ATG7: variants seen among roughly 807,000 people sequenced by gnomAD.
The protein encoded by ATG7 is autophagy related 7.
In ATG7, 70 loss-of-function variants were observed where a neutral mutation model predicts 82.4. The observed-to-expected ratio is 0.85, with a 90% CI of 0.70 to 1.04. ATG7 has a LOEUF of 1.04. ATG7 is among the 50% of genes least tolerant of loss of function. The pLI is 0.00. For synonymous variants in ATG7, 287 were observed against 313.0 expected (o/e 0.92, Z 0.88); for missense variants, 792 against 864.3 (o/e 0.92, Z 1.05).
intron 20 of ATG7, among the ~76,000 whole-genome samples, chr3:11,438,553 G>GT (rs1044804519): frequency 5.5e-4 from 83 of 151,050 alleles, no homozygotes; most frequent in African/African-American, 2.0e-3. Context: ...GAGACAGAGG[G>GT]AGACCTTGTC....
intron 20 of ATG7, among the ~76,000 whole-genome samples, chr3:11,545,177 T>C (rs1038082731): frequency 6.6e-6 from 1 of 151,912 alleles, no homozygotes; most frequent in African/African-American, 2.4e-5. Context: ...TGGAGGGGTG[T>C]GCAGGGCCAG....
chr3:11,348,624 C>A (rs1334519787), intron 14 of ATG7: 1 of 152,216 alleles, frequency 6.6e-6, no homozygotes, highest in Non-Finnish European at 1.5e-5. Context: ...AAAGAGTGAG[C>A]AGCAGCAAGA....
chr3:11,486,754 T>C (rs569021552), intron 20 of ATG7, among the ~76,000 whole-genome samples: 1 of 152,302 alleles, frequency 6.6e-6, no homozygotes, highest in Non-Finnish European at 1.5e-5. Flanking sequence ...TGAAGGGTTG[T>C]TGAATTTTGT....
At chr3:11,549,101 A>G (rs1575290583) in intron 20 of ATG7, among the ~76,000 whole-genome samples, 1 of 152,038 alleles carries the variant, frequency 6.6e-6, no homozygotes, top group East Asian at 1.9e-4. Context: ...TGTGATTTAC[A>G]TACAATGAAA....
intron 18 of ATG7, among the ~76,000 whole-genome samples, chr3:11,367,603 G>A (rs1306879923): frequency 1.3e-5 from 2 of 152,090 alleles, no homozygotes; most frequent in African/African-American, 4.8e-5. Context: ...CTGTCTCTGG[G>A]TCCACAGGCA....
At chr3:11,423,963 C>G (rs570638713) in intron 19 of ATG7, among the ~76,000 whole-genome samples, 1 of 152,336 alleles carries the variant, frequency 6.6e-6, no homozygotes, top group South Asian at 2.1e-4. Flanking sequence ...ATGTGCCAGT[C>G]AACCTCTCTT....
At chr3:11,480,314 C>G (rs777332478) in intron 20 of ATG7, among the ~76,000 whole-genome samples, 11 of 151,966 alleles carry the variant, frequency 7.2e-5, no homozygotes, top group African/African-American at 2.2e-4. Flanking sequence ...GTGGGAAGAT[C>G]GCTTGAGGCC....
chr3:11,388,999 G>A (rs1403826532), intron 19 of ATG7, among the ~76,000 whole-genome samples: 1 of 152,008 alleles, frequency 6.6e-6, no homozygotes, highest in Non-Finnish European at 1.5e-5. Context: ...TGTAATATCA[G>A]CACTGTGGGA....
At chr3:11,454,462 ATTG>A (rs1453022915) in intron 20 of ATG7, among the ~76,000 whole-genome samples, 3 of 152,154 alleles carry the variant, frequency 2.0e-5, no homozygotes, top group Non-Finnish European at 2.9e-5. Flanking sequence ...CCTTCTAGTG[ATTG>A]TGAGTGGAGA....
At chr3:11,344,184 GT>G (rs1453227109) in intron 13 of ATG7, among the ~76,000 whole-genome samples, 1 of 152,126 alleles carries the variant, frequency 6.6e-6, no homozygotes, top group Non-Finnish European at 1.5e-5. Flanking sequence ...AGTTCTAAGA[GT>G]TTTTTGATTC....
At chr3:11,449,896 T>C (rs2084940452) in intron 20 of ATG7, among the ~76,000 whole-genome samples, 1 of 152,058 alleles carries the variant, frequency 6.6e-6, no homozygotes. Flanking sequence ...TCTATAAGAG[T>C]TTAAGGGGCA....
rs140746761 is a variant in ATG7 at position 11,375,638 on chromosome 3, C to T, written c.1876-4334C>T. ...GCAGTGGCACGATCGCAGCTCACTG[C>T]AACCTCTGCCTTCCGGTTTCAAGCA... is the stretch of plus-strand genomic sequence containing the variant. On this transcript the variant is annotated intron_variant, in intron 18 of 20. Transcript: ENST00000693202. Among the ~76,000 whole-genome samples the T allele has an allele frequency of 6.5e-3, 985 of 152,340 alleles. 12 individuals are homozygous for T. The highest frequency in any genetic ancestry group is 0.011 in the Non-Finnish European group (721 of 68,034).
intron 13 of ATG7, among the ~76,000 whole-genome samples, chr3:11,342,839 T>C (rs1315938521): frequency 1.3e-5 from 2 of 152,144 alleles, no homozygotes; most frequent in Non-Finnish European, 2.9e-5. Context: ...CATAGGATTT[T>C]TTTTTTTAGG....
intron 20 of ATG7, among the ~76,000 whole-genome samples, chr3:11,550,142 T>C (rs1443705881): frequency 6.6e-6 from 1 of 152,194 alleles, no homozygotes; most frequent in African/African-American, 2.4e-5. Context: ...TATTTTCTCC[T>C]AGTCTGCAAC....
chr3:11,368,665 G>C (rs2076792168), intron 18 of ATG7, among the ~76,000 whole-genome samples: 1 of 140,350 alleles, frequency 7.1e-6, no homozygotes, highest in South Asian at 2.2e-4. Context: ...GCACCTGTGG[G>C]AGTTTGAGGC....
chr3:11,427,088 G>A (rs1246212716), intron 20 of ATG7, among the ~76,000 whole-genome samples, 162 bp downstream of exon 20: 2 of 152,206 alleles, frequency 1.3e-5, no homozygotes, highest in Non-Finnish European at 2.9e-5. Flanking sequence ...ATAACCCTCA[G>A]CAAGTGCTGG....
chr3:11,379,237 T>C (rs560816567), intron 18 of ATG7, among the ~76,000 whole-genome samples: 4 of 152,302 alleles, frequency 2.6e-5, no homozygotes, highest in South Asian at 2.1e-4. Flanking sequence ...TTTAGAGATG[T>C]TACCATTCAT....
intron 20 of ATG7, among the ~76,000 whole-genome samples, chr3:11,441,099 G>T (rs2083905300): frequency 6.6e-6 from 1 of 152,132 alleles, no homozygotes; most frequent in Non-Finnish European, 1.5e-5. Context: ...TATGTAAACT[G>T]CTGTGGGATA....
Position 11,422,740 on chromosome 3 carries a change from C to CTTTTT in ATG7, c.1957-4039_1957-4035dup, listed in dbSNP as rs557755646. Reference sequence around the variant, plus strand: ...CCTCACTATGCTTAATCATTTCTAGCTTTTTTTTTTTTTTTTTTTTTTTTT... The same window carrying CTTTTT: ...CCTCACTATGCTTAATCATTTCTAGCTTTTTTTTTTTTTTTTTTTTTTTTTTTTTT... On this transcript the variant is annotated intron_variant, in intron 19 of 20. Transcript: ENST00000693202. 8.2e-3 allele frequency among the ~76,000 whole-genome samples: 407 copies of CTTTTT among 49,556 alleles called. 106 individuals carry two copies. The highest frequency in any genetic ancestry group is 0.021 in the South Asian group (18 of 876). 32.5% of individuals were successfully genotyped at this position (49,556 alleles called of 152,430 possible).
Sources: gnomAD v4.1 joint callset for allele counts (sites outside exome capture counted in the v4.1 genomes callset) on GRCh38, gnomAD v4.1.1 for gene constraint, MANE v1.5 for transcripts, NCBI Gene and HGNC (gene_info 2026-07-23, HGNC 2026-07-21) for gene names.